Variants in DCC observed in about 807,000 individuals in gnomAD.
The protein encoded by DCC is netrin receptor DCC.
Under a neutral mutation model 172.5 loss-of-function variants are expected in DCC, and 58 were observed. The ratio of observed to expected loss-of-function variants is 0.34; its 90% CI spans 0.27 to 0.42. The LOEUF (loss-of-function observed/expected upper bound fraction) is 0.42. DCC is among the 10% of genes least tolerant of loss of function. The probability of loss-of-function intolerance (pLI) is 1.00; values close to 1 mark genes in which losing one functional copy is unlikely to be tolerated. For synonymous variants in DCC, 709 were observed against 644.5 expected (o/e 1.10, Z -1.52); for missense variants, 1,740 against 1,791.0 (o/e 0.97, Z 0.51).
At chr18:53,189,949 G>A (rs144132849) in intron 9 of DCC, among the ~76,000 whole-genome samples, 96 of 152,200 alleles carry the variant, frequency 6.3e-4, no homozygotes, top group African/African-American at 2.1e-3. Context: ...ATTTTGAGAC[G>A]GAGTTTCACT....
chr18:52,456,155 G>T (rs1988450735), intron 1 of DCC, among the ~76,000 whole-genome samples: 1 of 152,086 alleles, frequency 6.6e-6, no homozygotes. Context: ...TAAATATATT[G>T]TAGGTGTCCA....
intron 11 of DCC, 145 bp from the exon 12 acceptor site, chr18:53,215,403 A>T (rs1429333317): frequency 4.2e-6 from 3 of 720,830 alleles, no homozygotes; most frequent in Non-Finnish European, 7.5e-6. Context: ...CTCTCCAAAA[A>T]TTTTTGAAGT....
At chr18:53,277,152 A>T (rs1400574656) in intron 12 of DCC, among the ~76,000 whole-genome samples, 1 of 152,110 alleles carries the variant, frequency 6.6e-6, no homozygotes, top group African/African-American at 2.4e-5. Flanking sequence ...CTCTAAGATT[A>T]ATATTGTGTG....
At chr18:53,517,443 TATAATAATAATAATAATAATA>T (rs71179517) in intron 27 of DCC, among the ~76,000 whole-genome samples, 1 of 142,506 alleles carries the variant, frequency 7.0e-6, no homozygotes, top group Non-Finnish European at 1.5e-5. Flanking sequence ...AAACTTAAAA[TATAATAATAATAATAATAATA>T]ATAATAATAA....
At position 53,399,632 on chromosome 18, in the gene DCC, C is replaced by T. The variant is rs1909182036; in HGVS notation, c.2827+2186C>T. On this transcript the variant is annotated intron_variant, in intron 18 of 28. Transcript: ENST00000442544. ...CAAAGAAATCAGAGGGGGCCGGGCG[C>T]GGTGGCTCACGCCTGTAATCCCAGC... Among the ~76,000 whole-genome samples the T allele has an allele frequency of 8.0e-3, 6 of 746 alleles. 3 individuals are homozygous for T. Among genetic ancestry groups the T allele is most frequent in the Admixed American group, 0.5 (2 of 4 alleles). 0.5% of individuals were successfully genotyped at this position (746 alleles called of 152,430 possible).
intron 5 of DCC, among the ~76,000 whole-genome samples, chr18:53,057,889 TA>T (rs2042433935): frequency 1.3e-5 from 2 of 151,988 alleles, no homozygotes; most frequent in South Asian, 4.1e-4. Context: ...ATCTGGTTGG[TA>T]AATAGTGATA....
chr18:52,675,079 G>C (rs1280257728), intron 1 of DCC, among the ~76,000 whole-genome samples: 1 of 152,128 alleles, frequency 6.6e-6, no homozygotes, highest in Non-Finnish European at 1.5e-5. Flanking sequence ...TTTGTTTTGA[G>C]ATGGAGTCTC....
chr18:52,989,093 C>G (rs1397090235), intron 5 of DCC, among the ~76,000 whole-genome samples: 1 of 151,844 alleles, frequency 6.6e-6, no homozygotes, highest in African/African-American at 2.4e-5. Flanking sequence ...TCTTTAATTA[C>G]AGTGAGTGGA....
At chr18:52,889,909 G>A (rs182142324) in intron 2 of DCC, among the ~76,000 whole-genome samples, 2 of 152,154 alleles carry the variant, frequency 1.3e-5, no homozygotes, top group Admixed American at 1.3e-4. Flanking sequence ...AATTCTTACT[G>A]TGATCAGACT....
chr18:52,493,874 A>G (rs529498517), intron 1 of DCC, among the ~76,000 whole-genome samples: 42 of 152,176 alleles, frequency 2.8e-4, no homozygotes, highest in Non-Finnish European at 4.7e-4. Flanking sequence ...TTAATTCTAA[A>G]TATACTTTAA....
At chr18:52,532,676 C>T (rs1025184611) in intron 1 of DCC, among the ~76,000 whole-genome samples, 11 of 151,842 alleles carry the variant, frequency 7.2e-5, no homozygotes, top group Admixed American at 5.9e-4. Flanking sequence ...ATTTATTGTC[C>T]ATAGGGTACA....
At chr18:52,404,171 T>C (rs1171072450) in intron 1 of DCC, among the ~76,000 whole-genome samples, 2 of 152,064 alleles carry the variant, frequency 1.3e-5, no homozygotes, top group Non-Finnish European at 2.9e-5. Flanking sequence ...AGCTCATTAT[T>C]AATATTTCCC....
At chr18:52,991,336 C>T (rs1346327765) in intron 5 of DCC, among the ~76,000 whole-genome samples, 1 of 152,020 alleles carries the variant, frequency 6.6e-6, no homozygotes, top group South Asian at 2.1e-4. Context: ...TCTTATTTTT[C>T]TTTGATACAG....
In DCC at chr18:53,237,437, G is replaced by A. The variant is rs535579895; in HGVS notation, c.1911+21840G>A. 7.9e-5 allele frequency among the ~76,000 whole-genome samples: 12 copies of A among 152,226 alleles called. 1 individual carries two copies. The South Asian group carries it at 2.5e-3, about 32-fold the overall frequency. On this transcript the variant is annotated intron_variant, in intron 12 of 28. Transcript: ENST00000442544. ...TAGTGGATGAACAAAGTAAGGGTTA[G>A]AGAAGTAATTTGTTCAAAATATTTA...
intron 5 of DCC, among the ~76,000 whole-genome samples, chr18:52,982,383 C>G (rs2145606411): frequency 6.6e-6 from 1 of 152,256 alleles, no homozygotes; most frequent in Middle Eastern, 3.4e-3. Context: ...AGTTTCTCTT[C>G]TAAGGCCTGC....
In DCC at chr18:52,850,689, C is replaced by G. The variant is rs1040073371; in HGVS notation, c.413-55355C>G. Among the ~76,000 whole-genome samples the G allele has an allele frequency of 2.6e-5, 4 of 151,962 alleles. No homozygotes were observed. In the East Asian group the frequency reaches 7.7e-4, roughly 29 times the overall value. ...CTGTAACTGGAATTACACATTCACCCCCCAGTAATTTTTATAATGATTTCA... is the reference window on the plus strand; with the variant it reads ...CTGTAACTGGAATTACACATTCACCGCCCAGTAATTTTTATAATGATTTCA... On this transcript the variant is annotated intron_variant, in intron 2 of 28. Transcript: ENST00000442544.
chr18:53,128,870 CATATATATATATATATATAT>C (rs367907467), intron 7 of DCC, among the ~76,000 whole-genome samples: 16 of 77,460 alleles, frequency 2.1e-4, no homozygotes, highest in East Asian at 1.2e-3. Context: ...CACACACACA[CATATATATATATATATATAT>C]ATATATATAT....
intron 25 of DCC, among the ~76,000 whole-genome samples, chr18:53,472,969 C>T (rs2045716433): frequency 6.6e-6 from 1 of 152,206 alleles, no homozygotes; most frequent in African/African-American, 2.4e-5. Context: ...TGCTGATCCA[C>T]AAATATGCAC....
intron 1 of DCC, among the ~76,000 whole-genome samples, chr18:52,577,347 T>C (rs2033438657): frequency 6.6e-6 from 1 of 152,236 alleles, no homozygotes; most frequent in South Asian, 2.1e-4. Flanking sequence ...GCTTATCACT[T>C]ACTGGGATTT....
Sources: allele counts gnomAD v4.1 joint callset (sites outside exome capture counted in the v4.1 genomes callset), GRCh38; gene constraint gnomAD v4.1.1; transcripts MANE v1.5; gene names NCBI Gene and HGNC (gene_info 2026-07-23, HGNC 2026-07-21).